The following SORBS2 variants were observed in gnomAD, a reference collection of about 807,000 sequenced individuals.
SORBS2 encodes sorbin and SH3 domain containing 2, also known as sorbin and SH3 domain-containing protein 2.
A neutral mutation model predicts 97.7 loss-of-function variants in SORBS2; 46 were observed. That is an observed-to-expected ratio of 0.47 (90% CI 0.37 to 0.60). The LOEUF (loss-of-function observed/expected upper bound fraction) is 0.60, where lower values mean the gene tolerates loss of function less well. Ranked by LOEUF, SORBS2 falls within the 20% of genes least tolerant of loss-of-function variation. SORBS2 has a pLI of 0.00. For synonymous variants in SORBS2, 476 were observed against 473.4 expected (o/e 1.01, Z -0.07); for missense variants, 1,316 against 1,282.3 (o/e 1.03, Z -0.40).
At chr4:185,702,022 G>A (rs2098270226) in intron 2 of SORBS2, among the ~76,000 whole-genome samples, 1 of 152,112 alleles carries the variant, frequency 6.6e-6, no homozygotes, top group Non-Finnish European at 1.5e-5. Flanking sequence ...ACCCACCTCG[G>A]CCTCCCAAAG....
At chr4:185,858,305 AAAG>A (rs1226794198) in intron 1 of SORBS2, among the ~76,000 whole-genome samples, 3 of 152,238 alleles carry the variant, frequency 2.0e-5, no homozygotes, top group African/African-American at 7.2e-5. Context: ...CTCACCATGT[AAAG>A]AAGAAGGCCC....
intron 2 of SORBS2, among the ~76,000 whole-genome samples, chr4:185,733,817 C>T (rs2098662966): frequency 6.6e-6 from 1 of 152,212 alleles, no homozygotes; most frequent in Non-Finnish European, 1.5e-5. Flanking sequence ...TTGCTTTCTC[C>T]TGGCCTCATT....
At chr4:185,809,862 C>A (rs2099172225) in intron 1 of SORBS2, among the ~76,000 whole-genome samples, 1 of 152,158 alleles carries the variant, frequency 6.6e-6, no homozygotes, top group Admixed American at 6.5e-5. Context: ...ACACCTCATT[C>A]TTCTAAAAGC....
intron 4 of SORBS2, among the ~76,000 whole-genome samples, chr4:185,643,963 A>G (rs2097169742): frequency 1.3e-5 from 2 of 152,176 alleles, no homozygotes; most frequent in South Asian, 4.1e-4. Context: ...AAACTATATC[A>G]GTACGCGGCC....
At chr4:185,949,231 C>T (rs1415240965) in intron 1 of SORBS2, among the ~76,000 whole-genome samples, 1 of 152,108 alleles carries the variant, frequency 6.6e-6, no homozygotes, top group African/African-American at 2.4e-5. Flanking sequence ...AAGCAGTGGG[C>T]TGGGAGGAGC....
chr4:185,901,859 G>GA (rs1270589148), intron 1 of SORBS2, among the ~76,000 whole-genome samples: 3 of 152,188 alleles, frequency 2.0e-5, no homozygotes, highest in Non-Finnish European at 4.4e-5. Flanking sequence ...AAGTTGGTCA[G>GA]AAAATTCATG....
At chr4:185,739,341 G>A (rs956842842) in intron 2 of SORBS2, among the ~76,000 whole-genome samples, 6 of 152,196 alleles carry the variant, frequency 3.9e-5, no homozygotes, top group Non-Finnish European at 8.8e-5. Context: ...TATTCATAGA[G>A]AAATGAATTG....
intron 1 of SORBS2, among the ~76,000 whole-genome samples, chr4:185,954,340 A>C (rs2099278611): frequency 6.6e-6 from 1 of 152,228 alleles, no homozygotes; most frequent in Non-Finnish European, 1.5e-5. Context: ...TTTATCTTAC[A>C]GTTGATTTTT....
chr4:185,702,524 G>T (rs1009921528), intron 2 of SORBS2, among the ~76,000 whole-genome samples: 1 of 152,108 alleles, frequency 6.6e-6, no homozygotes, highest in African/African-American at 2.4e-5. Flanking sequence ...ATTGGGGATC[G>T]AATTTCAACA....
At chr4:185,920,260 C>T (rs2099260336) in intron 1 of SORBS2, among the ~76,000 whole-genome samples, 1 of 152,162 alleles carries the variant, frequency 6.6e-6, no homozygotes, top group Non-Finnish European at 1.5e-5. Flanking sequence ...CTGATGTGAG[C>T]TCCTATTTTG....
intron 1 of SORBS2, chr4:185,933,416 A>T (rs1281116705): frequency 6.6e-6 from 1 of 152,114 alleles, no homozygotes; most frequent in African/African-American, 2.4e-5. Context: ...TGGCTTAAAC[A>T]TCCTGTGAGA....
chr4:185,628,831 A>G (rs915756550), intron 5 of SORBS2, among the ~76,000 whole-genome samples: 5 of 152,216 alleles, frequency 3.3e-5, no homozygotes, highest in African/African-American at 1.2e-4. Context: ...TGCATAAAAT[A>G]CTGTCAATAG....
At chr4:185,621,300 T>C (rs1159120386) in intron 7 of SORBS2, among the ~76,000 whole-genome samples, 2 of 152,326 alleles carry the variant, frequency 1.3e-5, no homozygotes, top group East Asian at 3.9e-4. Flanking sequence ...AAATTTTAAA[T>C]TACTTTTTCT....
intron 1 of SORBS2, among the ~76,000 whole-genome samples, chr4:185,872,108 C>G (rs2099230736): frequency 1.3e-5 from 2 of 152,162 alleles, no homozygotes; most frequent in Non-Finnish European, 2.9e-5. Context: ...ATCAATTTGT[C>G]ATCATGCTCT....
At chr4:185,938,141 G>C (rs943893638) in intron 1 of SORBS2, among the ~76,000 whole-genome samples, 2 of 151,132 alleles carry the variant, frequency 1.3e-5, no homozygotes, top group Non-Finnish European at 2.9e-5. Context: ...GGGATTACAG[G>C]CACCTGCCAC....
intron 1 of SORBS2, among the ~76,000 whole-genome samples, chr4:185,927,273 TTTA>T (rs2099264179): frequency 6.6e-6 from 1 of 151,686 alleles, no homozygotes; most frequent in Admixed American, 6.6e-5. Context: ...AGTCCTTTTT[TTTA>T]TTTTTTATTT....
chr4:185,618,367 T>C (rs570938798), intron 9 of SORBS2, among the ~76,000 whole-genome samples: 1 of 152,384 alleles, frequency 6.6e-6, no homozygotes, highest in South Asian at 2.1e-4. Flanking sequence ...GAATTCATTG[T>C]GTTCTACCTA....
At chr4:185,618,740 TATGTA>T (rs2096664752) in intron 8 of SORBS2, 109 bp from the exon 21 acceptor site, 1 of 556,636 alleles carries the variant, frequency 1.8e-6, no homozygotes, top group African/African-American at 1.8e-5. Flanking sequence ...TCATCAAACA[TATGTA>T]ATGTTAATCC....
In SORBS2 at chr4:185,879,270, T is replaced by C. The variant is rs1034369379; in HGVS notation, c.-338+76926A>G. Among the ~76,000 whole-genome samples the C allele has an allele frequency of 4.4e-4, 66 of 149,276 alleles. 1 individual carries two copies. Among genetic ancestry groups the C allele is most frequent in the African/African-American group, 1.6e-3 (65 of 40,368 alleles). On this transcript the variant is annotated intron_variant, in intron 1 of 20. Coordinates refer to the SORBS2 transcript ENST00000284776. ...CACCTATGAGTGAGAACATGCGGTG[T>C]TTGGTTTTCTGTCCTTGCAATAGTT...
Sources: allele counts gnomAD v4.1 joint callset (sites outside exome capture counted in the v4.1 genomes callset), GRCh38; gene constraint gnomAD v4.1.1; transcripts MANE v1.5; gene names NCBI Gene and HGNC (gene_info 2026-07-23, HGNC 2026-07-21).